Variants in ANO10 observed in about 807,000 individuals in gnomAD.
ANO10 encodes the protein anoctamin-10.
A neutral mutation model predicts 74.7 loss-of-function variants in ANO10; 77 were observed. The ratio of observed to expected loss-of-function variants is 1.03; its 90% CI spans 0.86 to 1.25. The LOEUF is 1.25. Ranked by LOEUF, ANO10 falls within the 50% of genes most tolerant of loss-of-function variation. The pLI, the probability that ANO10 is intolerant of heterozygous loss-of-function variation, is 0.00. For missense variants in ANO10, 721 were observed against 778.1 expected, an observed-to-expected ratio of 0.93 and a Z score of 0.87; for synonymous variants, 279 against 284.9, an observed-to-expected ratio of 0.98 and a Z score of 0.21.
At position 43,565,720 on chromosome 3, in the gene ANO10, A is replaced by G. The variant is rs2080283059; in HGVS notation, c.1226T>C (p.Phe409Ser). 2 of 1,551,798 alleles carry G rather than the reference A, an allele frequency of 1.3e-6. No individual in the cohort carries two copies. The highest frequency in any genetic ancestry group is 2.4e-5 in the South Asian group (2 of 83,776). The change falls in exon 8 of 13, where the codon TTC becomes TCC. Residue 409 changes from phenylalanine (F) to serine (S), a missense_variant. Physicochemically the swap from Phe to Ser is radical, Grantham distance 155. Transcript: ENST00000292246. ...GAAGAGTGAGGCAAAGCAATTGAGG[A>G]AGTTGAACTGCCAAAAAAAAAAAAA... ...HLILKVLVFN[F>S]LNCFASLFYI...
intron 1 of ANO10, among the ~76,000 whole-genome samples, chr3:43,664,085 CAAG>C (rs2083958743): frequency 6.6e-6 from 1 of 152,112 alleles, no homozygotes; most frequent in Admixed American, 6.5e-5. Context: ...CAATCCTGGG[CAAG>C]AAGAACAACG....
chr3:43,488,697 T>C (rs1366840967), intron 11 of ANO10, among the ~76,000 whole-genome samples: 5 of 150,754 alleles, frequency 3.3e-5, no homozygotes, highest in Admixed American at 2.0e-4. Context: ...TGTGGAGAAA[T>C]AGGAACACTT....
intron 12 of ANO10, among the ~76,000 whole-genome samples, chr3:43,415,471 C>T (rs2092724082): frequency 6.6e-6 from 1 of 152,096 alleles, no homozygotes; most frequent in African/African-American, 2.4e-5. Flanking sequence ...AACCAAAATG[C>T]TTCACTCAAA....
At chr3:43,587,038 T>C (rs1395188201) in intron 4 of ANO10, among the ~76,000 whole-genome samples, 1 of 152,102 alleles carries the variant, frequency 6.6e-6, no homozygotes, top group East Asian at 1.9e-4. Context: ...CAAAGATAAC[T>C]GAAGAAATTT....
intron 1 of ANO10, among the ~76,000 whole-genome samples, chr3:43,641,846 T>C (rs1575575622): frequency 6.6e-6 from 1 of 152,162 alleles, no homozygotes; most frequent in South Asian, 2.1e-4. Context: ...CTTGAGCTCA[T>C]TCTACAGGAG....
chr3:43,644,172 A>T (rs2083703487), intron 1 of ANO10, among the ~76,000 whole-genome samples: 1 of 152,104 alleles, frequency 6.6e-6, no homozygotes, highest in South Asian at 2.1e-4. Context: ...ACCTGTGCCA[A>T]ACCTCCTTGA....
chr3:43,600,306 T>G (rs1373527533), intron 3 of ANO10, 78 bp downstream of exon 3: 3 of 1,539,436 alleles, frequency 1.9e-6, no homozygotes, highest in Non-Finnish European at 2.7e-6. Flanking sequence ...GAAAAAAGTT[T>G]GCTGATCCCT....
chr3:43,607,589 T>C (rs2082623927), intron 1 of ANO10, among the ~76,000 whole-genome samples: 1 of 152,064 alleles, frequency 6.6e-6, no homozygotes, highest in Non-Finnish European at 1.5e-5. Context: ...CTAAACATAA[T>C]AGTGAAGGAG....
intron 11 of ANO10, among the ~76,000 whole-genome samples, chr3:43,517,110 C>T (rs746766722): frequency 5.3e-5 from 8 of 152,168 alleles, no homozygotes; most frequent in Non-Finnish European, 1.0e-4. Flanking sequence ...ATTAACTAAT[C>T]AGTACATTTT....
At chr3:43,434,809 A>G (rs567967675) in intron 11 of ANO10, among the ~76,000 whole-genome samples, 3 of 152,368 alleles carry the variant, frequency 2.0e-5, no homozygotes, top group African/African-American at 7.2e-5. Flanking sequence ...TTTCCATGCG[A>G]ACTGTTCACA....
At chr3:43,528,700 C>T (rs1037605150) in intron 11 of ANO10, among the ~76,000 whole-genome samples, 7 of 152,080 alleles carry the variant, frequency 4.6e-5, no homozygotes, top group Non-Finnish European at 8.8e-5. Flanking sequence ...GAAGATCCAA[C>T]ATATAGCTGG....
chr3:43,448,390 T>C (rs1346490196), intron 11 of ANO10, among the ~76,000 whole-genome samples: 1 of 152,192 alleles, frequency 6.6e-6, no homozygotes, highest in Non-Finnish European at 1.5e-5. Context: ...CTGATCTTTT[T>C]ACTGTCTCTA....
chr3:43,617,420 C>A lies in ANO10; in HGVS notation c.-12+4489G>T, dbSNP rs567634869. On this transcript the variant is annotated intron_variant, in intron 1 of 12. Coordinates refer to ENST00000292246, the MANE Select transcript of ANO10 (RefSeq NM_018075.5). ...CAGAGCAGCCAGGTTCCACACAGAC[C>A]CTGGGGCGTGGGATTATGAGACAGC... Among the ~76,000 whole-genome samples, 6 of 152,070 alleles carry A rather than the reference C, an allele frequency of 3.9e-5. No homozygotes were observed. The South Asian group carries it at 1.2e-3, about 32-fold the overall frequency.
In ANO10 at chr3:43,690,966, A is replaced by G; in HGVS notation, c.-12+551T>C. On this transcript the variant is annotated intron_variant, in intron 1 of 3. Transcript: ENST00000413397. The stretch of plus-strand genomic sequence containing the variant: ...CGGCCTGTCAGCCGGCTTCGAGATA[A>G]GTCCCGGCGCTTGCGCGGCGGCGGC... 2.6e-6 allele frequency: 4 copies of G among 1,559,596 alleles called. No individual in the cohort carries two copies. The South Asian group carries it at 4.7e-5, about 18-fold the overall frequency.
rs139065764 is a variant in ANO10 at position 43,497,392 on chromosome 3, CA to C, written c.1797+52327del. Reference sequence around the variant, plus strand: ...CTAGTCACATAACCCTGTCTCCTTACATGTTTCTTTTGCCTCCTCTTTCTTT... The same window carrying C: ...CTAGTCACATAACCCTGTCTCCTTACTGTTTCTTTTGCCTCCTCTTTCTTT... On this transcript the variant is annotated intron_variant, in intron 11 of 12. Coordinates refer to ENST00000292246, the MANE Select transcript of ANO10 (RefSeq NM_018075.5). Among the ~76,000 whole-genome samples, 487 of 152,330 alleles carry C rather than the reference CA, an allele frequency of 3.2e-3. 5 individuals carry two copies. Among genetic ancestry groups the C allele is most frequent in the African/African-American group, 0.011 (454 of 41,568 alleles).
chr3:43,655,250 C>T (rs1037756386), intron 1 of ANO10, among the ~76,000 whole-genome samples: 2 of 152,214 alleles, frequency 1.3e-5, no homozygotes, highest in East Asian at 1.9e-4. Flanking sequence ...CGTGGACCCT[C>T]GCGGTGAGTG....
chr3:43,565,241 C>T (rs573420420), intron 8 of ANO10, among the ~76,000 whole-genome samples: 1 of 152,154 alleles, frequency 6.6e-6, no homozygotes, highest in African/African-American at 2.4e-5. Context: ...AAAGATACAG[C>T]ACTGCATAGG....
chr3:43,367,204 T>A (rs1412772421), intron 12 of ANO10, among the ~76,000 whole-genome samples: 2 of 152,164 alleles, frequency 1.3e-5, no homozygotes, highest in African/African-American at 4.8e-5. Flanking sequence ...GCAGGGATTT[T>A]AAGGACACTG....
rs887944449 is a variant in ANO10, at chr3:43,652,819, A to G, written c.-12+38698T>C. 5 of 152,038 alleles carry G rather than the reference A, an allele frequency of 3.3e-5. No homozygotes were observed. In the South Asian group the frequency reaches 1.0e-3, roughly 32 times the overall value. The allele number at this position is 152,038 out of a possible 1,614,324, so 9.4% of individuals were successfully genotyped here. ...ATTATAAATTATTTTTATAATTTCT[A>G]TATTAAAAATACTGTTAATAAAATT... is the stretch of plus-strand genomic sequence containing the variant. On this transcript the variant is annotated intron_variant, in intron 1 of 3. Coordinates refer to the ANO10 transcript ENST00000413397.
Sources: allele counts gnomAD v4.1 joint callset (sites outside exome capture counted in the v4.1 genomes callset), GRCh38; gene constraint gnomAD v4.1.1; transcripts MANE v1.5; gene names NCBI Gene and HGNC (gene_info 2026-07-23, HGNC 2026-07-21).